The following PER2 variants were observed in gnomAD, a reference collection of about 807,000 sequenced individuals.
The protein encoded by PER2 is period circadian regulator 2, also known as period circadian protein homolog 2.
A neutral mutation model predicts 121.0 loss-of-function variants in PER2; 66 were observed. The ratio of observed to expected loss-of-function variants is 0.55; its 90% CI spans 0.45 to 0.67. The LOEUF (loss-of-function observed/expected upper bound fraction) is 0.67. Ranked by LOEUF, PER2 falls within the 30% of genes least tolerant of loss-of-function variation. The pLI, the probability that PER2 is intolerant of heterozygous loss-of-function variation, is 0.00. For missense variants in PER2, 1,521 were observed against 1,635.0 expected (o/e 0.93, Z 1.20); for synonymous variants, 684 against 659.9 (o/e 1.04, Z -0.56).
At chr2:238,249,376 C>T (rs1014379956) in intron 21 of PER2, among the ~76,000 whole-genome samples, 164 bp from the exon 22 acceptor site, 10 of 152,080 alleles carry the variant, frequency 6.6e-5, no homozygotes, top group East Asian at 1.9e-4. Context: ...GTAAAGAACC[C>T]GTAGTTTTTC....
At chr2:238,287,854 C>G (rs1445575424) in intron 1 of PER2, among the ~76,000 whole-genome samples, 1 of 152,224 alleles carries the variant, frequency 6.6e-6, no homozygotes, top group Admixed American at 6.5e-5. Flanking sequence ...CTCCCACCCC[C>G]TGGTCTATGT....
intron 22 of PER2, 91 bp downstream of exon 22, chr2:238,248,971 A>T: frequency 7.1e-7 from 1 of 1,410,424 alleles, no homozygotes; most frequent in Non-Finnish European, 1.0e-6. Context: ...TAGAAGTTTT[A>T]AATTGACAGA....
At chr2:238,264,302 GC>G (rs1473281391) in intron 9 of PER2, among the ~76,000 whole-genome samples, 1 of 152,220 alleles carries the variant, frequency 6.6e-6, no homozygotes, top group Non-Finnish European at 1.5e-5. Context: ...GTTCCACAGG[GC>G]AGGGTGGTGT....
chr2:238,251,598 C>T lies in PER2; in HGVS notation c.3274+1G>A. On this transcript the variant is annotated splice_donor_variant, in intron 20 of 22. Coordinates refer to ENST00000254657, the MANE Select transcript of PER2 (RefSeq NM_022817.3). LOFTEE classifies it high-confidence loss of function. ...CTAACACCCCGCCAGGGCCAACATACCTGCCCCACTCGGGGAGGCGTCGCA... is the reference window on the plus strand; with the variant it reads ...CTAACACCCCGCCAGGGCCAACATATCTGCCCCACTCGGGGAGGCGTCGCA... 2 of 1,613,896 alleles carry T rather than the reference C, an allele frequency of 1.2e-6. No individual in the cohort carries two copies. Among genetic ancestry groups the T allele is most frequent in the Non-Finnish European group, 1.7e-6 (2 of 1,179,832 alleles).
In PER2 at chr2:238,252,873, G is replaced by A. The variant is rs367912194; in HGVS notation, c.3111+39C>T. On this transcript the variant is annotated intron_variant, in intron 19 of 22. Transcript: ENST00000254657. The surrounding 1 kb of genome is among the most constrained non-coding windows in gnomAD (Gnocchi z 4.2). ...GGCCGGCCTGCCAGGTGTGCTGTTT[G>A]CTGCCTGCTTTGGGGAAAGAGCATC... 2.0e-5 allele frequency: 32 copies of A among 1,582,998 alleles called. No homozygotes were observed. The highest frequency in any genetic ancestry group is 2.5e-5 in the Non-Finnish European group (29 of 1,154,938).
rs150189272 is a variant in PER2, at chr2:238,251,528, C to T, written c.3274+71G>A. On this transcript the variant is annotated intron_variant, in intron 20 of 22. Transcript: ENST00000254657. ...TCCCTGTTCTGAGCACAGAGGCCGG[C>T]CTGTGACTCTGGAGCAGTGCATCCT... 408 of 1,410,080 alleles carry T rather than the reference C, an allele frequency of 2.9e-4. 7 individuals carry two copies. In the African/African-American group the frequency reaches 5.0e-3, roughly 17 times the overall value. The allele number at this position is 1,410,080 out of a possible 1,614,324, so 87.3% of individuals were successfully genotyped here.
At chr2:238,258,180 C>T (rs1695818773) in intron 16 of PER2, 96 bp downstream of exon 16, 3 of 1,359,274 alleles carry the variant, frequency 2.2e-6, no homozygotes, top group South Asian at 1.2e-5. Context: ...AGCCTACACC[C>T]TTACACTGTG....
At chr2:238,246,823 C>T (rs13385422) in intron 22 of PER2, among the ~76,000 whole-genome samples, 9,054 of 152,228 alleles carry the variant, frequency 0.059, 936 homozygotes, top group African/African-American at 0.21. Flanking sequence ...TTGCAGTGAG[C>T]GGAGATCACG....
chr2:238,261,857 C>T lies in PER2; in HGVS notation c.1308-20G>A. On this transcript the variant is annotated intron_variant, in intron 11 of 22. Coordinates refer to ENST00000254657, the MANE Select transcript of PER2 (RefSeq NM_022817.3). ...GGGCCCCTGCGTGGTTTTAATTCATCTTGTTAGATGGGGCCCCACAGGAGG... is the reference window on the plus strand; with the variant it reads ...GGGCCCCTGCGTGGTTTTAATTCATTTTGTTAGATGGGGCCCCACAGGAGG... 1 of 1,533,446 alleles carries T rather than the reference C, an allele frequency of 6.5e-7. No homozygotes were observed. Among genetic ancestry groups the T allele is most frequent in the South Asian group, 1.2e-5 (1 of 83,768 alleles). The allele number at this position is 1,533,446 out of a possible 1,614,324, so 95.0% of individuals were successfully genotyped here.
At chr2:238,273,881 T>C (rs1696372012) in intron 4 of PER2, among the ~76,000 whole-genome samples, 1 of 152,246 alleles carries the variant, frequency 6.6e-6, no homozygotes, top group Non-Finnish European at 1.5e-5. Flanking sequence ...TTGGCCAGGA[T>C]GGTCTCGATC....
At position 238,265,522 on chromosome 2, in the gene PER2, C is replaced by T. The variant is rs376353896; in HGVS notation, c.1036G>A (p.Val346Met). The change falls in exon 9 of 23, where the codon GTG (valine) becomes ATG (methionine). Residue 346 changes from valine to methionine, a missense_variant. By Grantham distance (21) the Val-to-Met change is conservative. Transcript: ENST00000254657. Reference protein sequence around the residue: ...THTPNCLFQDVDERAVPLLGY... With the variant: ...THTPNCLFQDMDERAVPLLGY... ...GTCAAGACCACGTACCTTTCATCCA[C>T]ATCCTGGAACAAACAATTTGGTGTA... 3 of 1,608,176 alleles carry T rather than the reference C, an allele frequency of 1.9e-6. No homozygotes were observed. In the African/African-American group the frequency reaches 4.0e-5, roughly 22 times the overall value.
At position 238,249,216 on chromosome 2, in the gene PER2, C is replaced by T. The variant is rs754912871; in HGVS notation, c.3468-4G>A. 1.1e-5 allele frequency: 17 copies of T among 1,612,942 alleles called. No individual in the cohort carries two copies. The highest frequency in any genetic ancestry group is 8.9e-5 in the East Asian group (4 of 44,886). On this transcript the variant is annotated splice_polypyrimidine_tract_variant and splice_region_variant and intron_variant, in intron 21 of 22. Coordinates refer to ENST00000254657, the MANE Select transcript of PER2 (RefSeq NM_022817.3). The stretch of plus-strand genomic sequence containing the variant: ...CTTCAAAACCGCTTCTAAATTTCTT[C>T]GCAAGATATTTAGAAATCGGTAAGC...
chr2:238,298,127 C>T, the PER2 span, among the ~76,000 whole-genome samples: 22 of 152,010 alleles, frequency 1.4e-4, no homozygotes, highest in African/African-American at 4.8e-4. Flanking sequence ...CTCCGCCTCC[C>T]GGGTTCACCC....
intron 3 of PER2, 119 bp downstream of exon 3, chr2:238,277,012 C>A: frequency 4.9e-6 from 4 of 811,716 alleles, no homozygotes; most frequent in Non-Finnish European, 8.9e-6. Flanking sequence ...CACATAGCCA[C>A]ACAGATGGGT....
At chr2:238,246,934 G>A (rs560611199) in intron 22 of PER2, among the ~76,000 whole-genome samples, 1 of 152,190 alleles carries the variant, frequency 6.6e-6, no homozygotes, top group Non-Finnish European at 1.5e-5. Flanking sequence ...TCAGCCAGGA[G>A]GTGGCTGGCA....
At chr2:238,295,912 T>C in the PER2 span, 2 of 222,928 alleles carry the variant, frequency 9.0e-6, no homozygotes, top group African/African-American at 2.4e-5. Context: ...CGGGGAACTC[T>C]TTGCAAGCAC....
At chr2:238,296,059 T>C in the PER2 span, among the ~76,000 whole-genome samples, 1 of 131,708 alleles carries the variant, frequency 7.6e-6, no homozygotes, top group African/African-American at 2.9e-5. Flanking sequence ...TGTGCCCTCC[T>C]GCTGCAGAGT....
At chr2:238,270,268 T>G (rs71426510) in intron 6 of PER2, among the ~76,000 whole-genome samples, 14,128 of 152,198 alleles carry the variant, frequency 0.093, 710 homozygotes, top group South Asian at 0.13. Context: ...ACATCGGTAT[T>G]TTGGTAAAAT....
intron 8 of PER2, among the ~76,000 whole-genome samples, chr2:238,267,480 C>A (rs1696146297): frequency 6.6e-6 from 1 of 152,166 alleles, no homozygotes; most frequent in Admixed American, 6.5e-5. Flanking sequence ...CATACAGAGG[C>A]ACAGCAAGCC....
Sources: gnomAD v4.1 joint callset for allele counts (sites outside exome capture counted in the v4.1 genomes callset) on GRCh38, gnomAD v4.1.1 for gene constraint, Gnocchi (gnomAD v3.1) non-coding constraint, MANE v1.5 for transcripts, NCBI Gene and HGNC (gene_info 2026-07-23, HGNC 2026-07-21) for gene names.